Variants in EFHD1 observed in about 807,000 individuals in gnomAD.
The protein encoded by EFHD1 is EF-hand domain-containing protein D1.
In EFHD1, 10 loss-of-function variants were observed where a neutral mutation model predicts 17.2. The observed-to-expected ratio is 0.58, with a 90% CI of 0.36 to 0.99. EFHD1 has a LOEUF of 0.99. Ranked by LOEUF, EFHD1 falls within the 50% of genes least tolerant of loss-of-function variation. The pLI is 0.01. For synonymous variants in EFHD1, 153 were observed against 142.0 expected (o/e 1.08, Z -0.55); for missense variants, 310 against 327.5 (o/e 0.95, Z 0.41).
chr2:232,643,100 G>C lies in EFHD1; in HGVS notation c.302+9094G>C, dbSNP rs75908644. ...AAGGTGGCAAGGTGTGAGTTTCCCCGAGTCACATCAGCTGCGACAAAATCC... is the reference window on the plus strand; with the variant it reads ...AAGGTGGCAAGGTGTGAGTTTCCCCCAGTCACATCAGCTGCGACAAAATCC... On this transcript the variant is annotated intron_variant, in intron 1 of 3. Transcript: ENST00000264059. Among the ~76,000 whole-genome samples, 710 of 151,902 alleles carry C rather than the reference G, an allele frequency of 4.7e-3. 7 individuals carry two copies. Among genetic ancestry groups the C allele is most frequent in the African/African-American group, 0.017 (684 of 41,412 alleles).
intron 1 of EFHD1, among the ~76,000 whole-genome samples, chr2:232,657,899 CT>C (rs1194396166): frequency 2.3e-3 from 229 of 100,632 alleles, no homozygotes; most frequent in Non-Finnish European, 2.7e-3. Context: ...TCTTTCTTTT[CT>C]TTTTTTTTTT....
At position 232,623,033 on chromosome 2, in the gene EFHD1, C is replaced by CTTCTT. The variant is rs371832405; in HGVS notation, c.14+16883_14+16887dup. On this transcript the variant is annotated intron_variant, in intron 1 of 3. Transcript: ENST00000409613. Reference sequence around the variant, plus strand: ...AGCATATGGCCACTAGAAAACTTTTCTTCTTTTCTTTTCTTTTCTTTTCTT... The same window carrying CTTCTT: ...AGCATATGGCCACTAGAAAACTTTTCTTCTTTTCTTTTCTTTTCTTTTCTTTTCTT... Among the ~76,000 whole-genome samples the CTTCTT allele has an allele frequency of 2.5e-3, 387 of 152,058 alleles. 1 individual carries two copies. Among genetic ancestry groups the CTTCTT allele is most frequent in the African/African-American group, 7.6e-3 (314 of 41,508 alleles).
chr2:232,675,203 AAAGG>A lies in EFHD1; in HGVS notation c.585+2778_585+2781del, dbSNP rs199527017. On this transcript the variant is annotated intron_variant, in intron 3 of 3. Transcript: ENST00000264059. ...AAGAAAAAAAAGAGAGAGAGAAAAG[AAAGG>A]AAGGAAGGAAGGAAGGAGAAAGAAA... Among the ~76,000 whole-genome samples, 202 of 149,358 alleles carry A rather than the reference AAAGG, an allele frequency of 1.4e-3. 1 individual carries two copies. Among genetic ancestry groups the A allele is most frequent in the African/African-American group, 3.4e-3 (137 of 39,840 alleles).
At chr2:232,606,862 C>A (rs1367705259) in intron 1 of EFHD1, 1 of 151,338 alleles carries the variant, frequency 6.6e-6, no homozygotes, top group African/African-American at 2.4e-5. Flanking sequence ...TGCACTCCAG[C>A]CTGGGCGACA....
In EFHD1 at chr2:232,670,583, T is replaced by C. The variant is rs886639554; in HGVS notation, c.451-1726T>C. Among the ~76,000 whole-genome samples, 7 of 151,988 alleles carry C rather than the reference T, an allele frequency of 4.6e-5. No individual in the cohort carries two copies. In the South Asian group the frequency reaches 6.2e-4, roughly 14 times the overall value. ...TGATGCAAGGATTACTAACCAACCA[T>C]TTGGAAGAAAATAAGGTTAATGATT... On this transcript the variant is annotated intron_variant, in intron 2 of 3. Coordinates refer to ENST00000264059, the MANE Select transcript of EFHD1 (RefSeq NM_025202.4).
At chr2:232,615,874 A>G (rs145645676) in intron 1 of EFHD1, among the ~76,000 whole-genome samples, 3,064 of 151,900 alleles carry the variant, frequency 0.02, 50 homozygotes, top group Middle Eastern at 0.048. Context: ...TTTAGTAGAG[A>G]TGGGGTTTCT....
intron 1 of EFHD1, among the ~76,000 whole-genome samples, chr2:232,635,340 G>T (rs1344591190): frequency 6.6e-6 from 1 of 152,124 alleles, no homozygotes; most frequent in Non-Finnish European, 1.5e-5. Flanking sequence ...TCTTGGGGAG[G>T]GACCTTTATC....
rs187210782 is a variant in EFHD1, at chr2:232,648,674, G to A, written c.303-14128G>A. On this transcript the variant is annotated intron_variant, in intron 1 of 3. Coordinates refer to ENST00000264059, the MANE Select transcript of EFHD1 (RefSeq NM_025202.4). Reference sequence around the variant, plus strand: ...CCCTTCTCTGCCTTGAACGTGCCCAGGGGCTGTGGTGTGGGGGGCTTGTGA... The same window carrying A: ...CCCTTCTCTGCCTTGAACGTGCCCAAGGGCTGTGGTGTGGGGGGCTTGTGA... Among the ~76,000 whole-genome samples the A allele has an allele frequency of 6.6e-4, 101 of 152,152 alleles. 1 individual carries two copies. In the Middle Eastern group the frequency reaches 0.017, roughly 26 times the overall value.
At chr2:232,646,585 C>T (rs1214533473) in intron 1 of EFHD1, among the ~76,000 whole-genome samples, 1 of 152,022 alleles carries the variant, frequency 6.6e-6, no homozygotes, top group East Asian at 1.9e-4. Context: ...GCTGAGATTA[C>T]AGGCATGCGC....
chr2:232,609,054 CTTTTTTTT>C (rs1244427931), intron 1 of EFHD1, among the ~76,000 whole-genome samples: 1 of 82,264 alleles, frequency 1.2e-5, no homozygotes, highest in African/African-American at 5.1e-5. Flanking sequence ...TGCATAAGTT[CTTTTTTTT>C]TTTTTTTTTT....
intron 1 of EFHD1, among the ~76,000 whole-genome samples, chr2:232,621,397 C>T (rs1180567069): frequency 6.6e-6 from 1 of 152,156 alleles, no homozygotes; most frequent in African/African-American, 2.4e-5. Flanking sequence ...GCTTTACAGG[C>T]CATCGATTGT....
intron 3 of EFHD1, among the ~76,000 whole-genome samples, chr2:232,676,123 C>T (rs534738248): frequency 6.6e-6 from 1 of 151,912 alleles, no homozygotes; most frequent in Admixed American, 6.6e-5. Context: ...TGCAGTGAGC[C>T]GAGATCAGGC....
At position 232,639,452 on chromosome 2, in the gene EFHD1, G is replaced by A. The variant is rs565341125; in HGVS notation, c.302+5446G>A. Among the ~76,000 whole-genome samples the A allele has an allele frequency of 7.2e-5, 11 of 151,900 alleles. No homozygotes were observed. The East Asian group carries it at 1.2e-3, about 16-fold the overall frequency. On this transcript the variant is annotated intron_variant, in intron 1 of 3. Coordinates refer to ENST00000264059, the MANE Select transcript of EFHD1 (RefSeq NM_025202.4). ...TCAGGTGATTCTCTTGTCTCAAAGC[G>A]CTGGGATCATAGGCATGGGCTACTT...
chr2:232,657,675 G>A (rs1039550434), intron 1 of EFHD1, among the ~76,000 whole-genome samples: 18 of 151,594 alleles, frequency 1.2e-4, no homozygotes, highest in African/African-American at 3.9e-4. Context: ...GCCGGCCATG[G>A]TGGTGGGCGC....
chr2:232,649,104 T>G (rs1301575273), intron 1 of EFHD1, among the ~76,000 whole-genome samples: 1 of 152,152 alleles, frequency 6.6e-6, no homozygotes, highest in East Asian at 1.9e-4. Context: ...AGCCTGGGGC[T>G]CTCTGCACAG....
chr2:232,638,800 A>G (rs913732753), intron 1 of EFHD1, among the ~76,000 whole-genome samples: 2 of 152,358 alleles, frequency 1.3e-5, no homozygotes, highest in South Asian at 2.1e-4. Context: ...TGTCCTGGCT[A>G]TAGCTTCAGT....
chr2:232,641,560 G>A (rs58111748), intron 1 of EFHD1, among the ~76,000 whole-genome samples: 1,927 of 152,312 alleles, frequency 0.013, 39 homozygotes, highest in African/African-American at 0.044. Context: ...TAATCCATCT[G>A]TTTGGCTTTG....
At chr2:232,668,822 TG>T (rs770879775) in intron 2 of EFHD1, among the ~76,000 whole-genome samples, 12 of 151,864 alleles carry the variant, frequency 7.9e-5, no homozygotes, top group Middle Eastern at 3.4e-3. Context: ...TTAGTAGAGA[TG>T]GGGTTTCACC....
At chr2:232,658,552 C>A (rs896795676) in intron 1 of EFHD1, among the ~76,000 whole-genome samples, 1 of 152,170 alleles carries the variant, frequency 6.6e-6, no homozygotes, top group Non-Finnish European at 1.5e-5. Flanking sequence ...TATGTCCAAA[C>A]ACTTGTATAT....
Sources: gnomAD v4.1 joint callset for allele counts (sites outside exome capture counted in the v4.1 genomes callset) on GRCh38, gnomAD v4.1.1 for gene constraint, MANE v1.5 for transcripts, NCBI Gene and HGNC (gene_info 2026-07-23, HGNC 2026-07-21) for gene names.